Variants in SEMA5A observed in about 807,000 individuals in gnomAD.
The protein encoded by SEMA5A is semaphorin 5A, also known as semaphorin-5A.
A neutral mutation model predicts 135.5 loss-of-function variants in SEMA5A; 55 were observed. The ratio of observed to expected loss-of-function variants is 0.41; its 90% CI spans 0.33 to 0.51. The LOEUF is 0.51. Among genes scored for constraint, SEMA5A ranks in the 20% least tolerant of loss-of-function variants. The probability of loss-of-function intolerance (pLI) is 0.37; values close to 1 mark genes in which losing one functional copy is unlikely to be tolerated. For synonymous variants in SEMA5A, 580 were observed against 546.5 expected (o/e 1.06, Z -0.85); for missense variants, 1,290 against 1,419.9 (o/e 0.91, Z 1.47).
intron 12 of SEMA5A, among the ~76,000 whole-genome samples, chr5:9,138,124 G>T (rs1343023612): frequency 6.6e-6 from 1 of 152,116 alleles, no homozygotes; most frequent in African/African-American, 2.4e-5. Context: ...CTAGGTTGGG[G>T]TACAAAAATG....
intron 2 of SEMA5A, among the ~76,000 whole-genome samples, chr5:9,428,999 A>G (rs1057093067): frequency 3.2e-4 from 49 of 152,244 alleles, no homozygotes; most frequent in African/African-American, 1.0e-3. Context: ...TGTATTTACA[A>G]AATACTACAA....
rs57284285 is a variant in SEMA5A, at chr5:9,088,276, C to A, written c.2073+19864G>T. ...CTGAGATCATACCACTGCACTCCAG[C>A]CTGGCAACAGAGTGAGACTCCATCT... On this transcript the variant is annotated intron_variant, in intron 16 of 22. Transcript: ENST00000382496. 1.2e-3 allele frequency among the ~76,000 whole-genome samples: 172 copies of A among 148,822 alleles called. 1 individual carries two copies. Among genetic ancestry groups the A allele is most frequent in the African/African-American group, 4.0e-3 (160 of 40,286 alleles).
chr5:9,409,775 T>C (rs1757034686), intron 2 of SEMA5A, among the ~76,000 whole-genome samples: 1 of 152,162 alleles, frequency 6.6e-6, no homozygotes, highest in Non-Finnish European at 1.5e-5. Flanking sequence ...ATCGGGGGGC[T>C]GTGTTGTCCG....
chr5:9,071,863 T>G (rs1737787248), intron 16 of SEMA5A, among the ~76,000 whole-genome samples: 1 of 152,204 alleles, frequency 6.6e-6, no homozygotes, highest in Non-Finnish European at 1.5e-5. Flanking sequence ...CTGAAAGCAA[T>G]TCACATTAGA....
chr5:9,499,779 A>G (rs1735487580), intron 1 of SEMA5A, among the ~76,000 whole-genome samples: 1 of 152,232 alleles, frequency 6.6e-6, no homozygotes, highest in South Asian at 2.1e-4. Flanking sequence ...AAAGTGTCCC[A>G]GTCTGGTTGT....
At chr5:9,291,683 A>G (rs1277563088) in intron 5 of SEMA5A, among the ~76,000 whole-genome samples, 1 of 151,244 alleles carries the variant, frequency 6.6e-6, no homozygotes, top group African/African-American at 2.4e-5. Flanking sequence ...TGGATCAACC[A>G]CCTTGAATAT....
intron 2 of SEMA5A, among the ~76,000 whole-genome samples, chr5:9,423,296 C>T (rs901227486): frequency 1.3e-5 from 2 of 152,126 alleles, no homozygotes; most frequent in Non-Finnish European, 1.5e-5. Context: ...AACTACTTTC[C>T]GTAATGGCAT....
intron 14 of SEMA5A, 150 bp from the exon 15 acceptor site, chr5:9,119,291 C>T: frequency 1.1e-6 from 1 of 892,878 alleles, no homozygotes; most frequent in Non-Finnish European, 1.7e-6. Flanking sequence ...ACTGAATGGA[C>T]TGCACCCTGT....
rs757697083 is a variant in SEMA5A, at chr5:9,337,683, T to C, written c.224+30A>G. ...AGATGTAAAATGAAGTCCAAAAATA[T>C]CTGTGGTGGCAAAATACAATATCTC... On this transcript the variant is annotated intron_variant, in intron 4 of 22. Transcript: ENST00000382496. 1.1e-5 allele frequency: 17 copies of C among 1,499,964 alleles called. No homozygotes were observed. In the South Asian group the frequency reaches 2.0e-4, roughly 17 times the overall value. The allele number at this position is 1,499,964 out of a possible 1,614,324, so 92.9% of individuals were successfully genotyped here. A position where few individuals can be genotyped will look rare whatever the true frequency, so the allele number is the denominator to read the frequency against.
chr5:9,263,216 T>C (rs17255767), intron 5 of SEMA5A, among the ~76,000 whole-genome samples: 55,860 of 151,908 alleles, frequency 0.37, 10,916 homozygotes, highest in East Asian at 0.48. Flanking sequence ...TCTTTTTTAC[T>C]CCGTCCTCCA....
At chr5:9,473,217 A>T (rs751420918) in intron 1 of SEMA5A, among the ~76,000 whole-genome samples, 48 of 148,852 alleles carry the variant, frequency 3.2e-4, no homozygotes, top group African/African-American at 9.2e-4. Context: ...AGAAAAAAAA[A>T]AAGAATGATA....
chr5:9,339,662 G>A (rs1446339756), intron 3 of SEMA5A, among the ~76,000 whole-genome samples: 2 of 152,136 alleles, frequency 1.3e-5, no homozygotes, highest in Admixed American at 1.3e-4. Flanking sequence ...GAAACTACTA[G>A]GAAAGGAAAC....
At chr5:9,320,561 T>A (rs141489242) in intron 4 of SEMA5A, among the ~76,000 whole-genome samples, 88 of 151,808 alleles carry the variant, frequency 5.8e-4, no homozygotes, top group African/African-American at 2.1e-3. Flanking sequence ...AAAGAAAAAA[T>A]ACAAAAATTA....
Position 9,122,730 on chromosome 5 carries a change from G to T in SEMA5A, c.1707C>A (p.Ser569=). 1 of 1,613,734 alleles carries T rather than the reference G, an allele frequency of 6.2e-7. No homozygotes were observed. The highest frequency in any genetic ancestry group is 8.5e-7 in the Non-Finnish European group (1 of 1,179,918). The stretch of plus-strand genomic sequence containing the variant: ...CACACTGCGGGGCCGGGCTGTCGCA[G>T]GAGCGGGTTCGACAGAGGCAGGATC... ...AVGSCLCRTR[S]CDSPAPQCGG... Residue 569 remains serine (S), a synonymous_variant, in exon 14 of 23, where the codon TCC becomes TCA. Coordinates refer to ENST00000382496, the MANE Select transcript of SEMA5A (RefSeq NM_003966.3).
At chr5:9,249,672 A>G (rs1748671064) in intron 5 of SEMA5A, among the ~76,000 whole-genome samples, 1 of 152,224 alleles carries the variant, frequency 6.6e-6, no homozygotes, top group Non-Finnish European at 1.5e-5. Flanking sequence ...CCTCTTAAGG[A>G]AAACATGCTG....
chr5:9,321,111 A>G (rs1028011854), intron 4 of SEMA5A, among the ~76,000 whole-genome samples: 3 of 152,134 alleles, frequency 2.0e-5, no homozygotes, highest in Non-Finnish European at 4.4e-5. Flanking sequence ...TGATGGTTTT[A>G]TAAGCATCTG....
rs1279452933 is a variant in SEMA5A at position 9,040,833 on chromosome 5, C to CAAACT, written c.*2059_*2063dup. ...AAAATAAAATGTCCCTTTAAGCTTACAAACTATTAGGGAAGAAGACTCAAA... is the reference window on the plus strand; with the variant it reads ...AAAATAAAATGTCCCTTTAAGCTTACAAACTAAACTATTAGGGAAGAAGACTCAAA... On this transcript the variant is annotated 3_prime_UTR_variant, in exon 23 of 23. Transcript: ENST00000382496. 9 of 152,142 alleles carry CAAACT rather than the reference C, an allele frequency of 5.9e-5. No homozygotes were observed. Among genetic ancestry groups the CAAACT allele is most frequent in the Non-Finnish European group, 1.0e-4 (7 of 68,024 alleles). The allele number at this position is 152,142 out of a possible 1,614,324, so 9.4% of individuals were successfully genotyped here.
chr5:9,189,490 G>A (rs1406598226), intron 11 of SEMA5A, among the ~76,000 whole-genome samples: 1 of 151,322 alleles, frequency 6.6e-6, no homozygotes, highest in African/African-American at 2.4e-5. Context: ...ATTATTATCA[G>A]CAACAAAAAC....
rs187241060 is a variant in SEMA5A at position 9,269,121 on chromosome 5, G to T, written c.271-31231C>A. ...GGAATGAACTGAGAGAAAATCCGCGGGATGGAGACTGGGAGCCTCATGCCT... is the reference window on the plus strand; with the variant it reads ...GGAATGAACTGAGAGAAAATCCGCGTGATGGAGACTGGGAGCCTCATGCCT... On this transcript the variant is annotated intron_variant, in intron 5 of 22. Transcript: ENST00000382496. Among the ~76,000 whole-genome samples, 5 of 152,148 alleles carry T rather than the reference G, an allele frequency of 3.3e-5. No individual in the cohort carries two copies. In the East Asian group the frequency reaches 9.7e-4, roughly 29 times the overall value.
Sources: gnomAD v4.1 joint callset for allele counts (sites outside exome capture counted in the v4.1 genomes callset) on GRCh38, gnomAD v4.1.1 for gene constraint, MANE v1.5 for transcripts, NCBI Gene and HGNC (gene_info 2026-07-23, HGNC 2026-07-21) for gene names.